ACAP2: variants seen among roughly 807,000 people sequenced by gnomAD.
ACAP2 encodes arf-GAP with coiled-coil, ANK repeat and PH domain-containing protein 2.
A neutral mutation model predicts 115.8 loss-of-function variants in ACAP2; 39 were observed. That is an observed-to-expected ratio of 0.34 (90% CI 0.26 to 0.44). The LOEUF (loss-of-function observed/expected upper bound fraction) is 0.44. Ranked by LOEUF, ACAP2 falls within the 20% of genes least tolerant of loss-of-function variation. The pLI is 1.00. For missense variants in ACAP2, 662 were observed against 927.6 expected, an observed-to-expected ratio of 0.71 and a Z score of 3.72; for synonymous variants, 289 against 315.8, an observed-to-expected ratio of 0.92 and a Z score of 0.90.
intron 1 of ACAP2, among the ~76,000 whole-genome samples, chr3:195,434,780 G>A (rs1715406764): frequency 6.6e-6 from 1 of 152,108 alleles, no homozygotes; most frequent in African/African-American, 2.4e-5. Flanking sequence ...TTTTTTATAG[G>A]TCTGTTCAGA....
intron 13 of ACAP2, 28 bp from the exon 14 acceptor site, chr3:195,302,202 T>TA (rs35471363): frequency 0.019 from 22,461 of 1,175,716 alleles, 3 homozygotes; most frequent in Non-Finnish European, 0.021. Flanking sequence ...TACTTGTTTT[T>TA]AAAAAAAAAA....
At chr3:195,402,649 G>T (rs1712407713) in intron 1 of ACAP2, among the ~76,000 whole-genome samples, 1 of 151,992 alleles carries the variant, frequency 6.6e-6, no homozygotes, top group African/African-American at 2.4e-5. Flanking sequence ...GGAGGTATTC[G>T]CTCTACCACG....
intron 22 of ACAP2, among the ~76,000 whole-genome samples, chr3:195,283,872 T>C (rs962937775): frequency 1.3e-5 from 2 of 152,186 alleles, no homozygotes; most frequent in Admixed American, 1.3e-4. Flanking sequence ...TAAGAGAGCT[T>C]GTTTTAAAAT....
intron 3 of ACAP2, among the ~76,000 whole-genome samples, chr3:195,381,407 C>T (rs987871717): frequency 6.6e-6 from 1 of 152,136 alleles, no homozygotes; most frequent in Non-Finnish European, 1.5e-5. Context: ...AAACTACACC[C>T]ATTTCTTCAC....
chr3:195,406,852 G>A (rs995555835), intron 1 of ACAP2, among the ~76,000 whole-genome samples: 5 of 152,118 alleles, frequency 3.3e-5, no homozygotes, highest in East Asian at 1.9e-4. Context: ...ACTAAGACAC[G>A]CTACAAATTC....
intron 8 of ACAP2, among the ~76,000 whole-genome samples, chr3:195,328,287 A>G (rs1189254171): frequency 6.6e-6 from 1 of 152,160 alleles, no homozygotes; most frequent in African/African-American, 2.4e-5. Flanking sequence ...TTTAAGTTAT[A>G]TTTTTTTAAA....
At chr3:195,291,901 G>T (rs79097081) in intron 19 of ACAP2, 86 bp from the exon 20 acceptor site, 1 of 1,152,568 alleles carries the variant, frequency 8.7e-7, no homozygotes, top group Non-Finnish European at 1.2e-6. Flanking sequence ...ATTGGTTTTC[G>T]TTACTCAAAT....
At chr3:195,414,748 G>A (rs1177119202) in intron 1 of ACAP2, among the ~76,000 whole-genome samples, 1 of 152,046 alleles carries the variant, frequency 6.6e-6, no homozygotes, top group Non-Finnish European at 1.5e-5. Context: ...TTGAATTCAT[G>A]GATTAGAGAT....
chr3:195,356,565 A>G lies in ACAP2; in HGVS notation c.286-11248T>C, dbSNP rs558490730. On this transcript the variant is annotated intron_variant, in intron 4 of 22. Transcript: ENST00000326793. Reference sequence around the variant, plus strand: ...AAAGGCAGGAAGGCTCCCAGCTCCAAAAGAGATTCCGTCCTTCTCCTTGAG... The same window carrying G: ...AAAGGCAGGAAGGCTCCCAGCTCCAGAAGAGATTCCGTCCTTCTCCTTGAG... Among the ~76,000 whole-genome samples the G allele has an allele frequency of 3.3e-5, 5 of 152,246 alleles. No individual in the cohort carries two copies. The East Asian group carries it at 9.7e-4, about 29-fold the overall frequency.
At chr3:195,326,740 C>A in intron 9 of ACAP2, 145 bp downstream of exon 9, 1 of 613,270 alleles carries the variant, frequency 1.6e-6, no homozygotes, top group East Asian at 2.9e-5. Context: ...GAACATTTTG[C>A]TCTTCAAAAA....
rs1727626909 is a variant in ACAP2 at position 195,295,840 on chromosome 3, C to T, written c.1540G>A (p.Asp514Asn). The change falls in exon 17 of 23, where the codon GAT becomes AAT. Residue 514 changes from aspartate to asparagine, a missense_variant. Around this residue, in one of 3 missense-constraint regions of ACAP2, gnomAD observed 133 missense variants for 123.1 expected, o/e 1.08. Transcript: ENST00000326793. ...GGTGATAATGATATAGAATATTTAT[C>T]CACAAATTTCCTCTCCACATATTTT... is the stretch of plus-strand genomic sequence containing the variant. ...RAKYVERKFV[D>N]KYSISLSPPE... 1 of 1,613,698 alleles carries T rather than the reference C, an allele frequency of 6.2e-7. No individual in the cohort carries two copies. The highest frequency in any genetic ancestry group is 1.3e-5 in the African/African-American group (1 of 74,866).
intron 1 of ACAP2, among the ~76,000 whole-genome samples, chr3:195,439,064 A>AT (rs1715805325): frequency 6.6e-6 from 1 of 152,046 alleles, no homozygotes; most frequent in Non-Finnish European, 1.5e-5. Flanking sequence ...TCTATCTCAA[A>AT]AAAAAAAAGA....
intron 4 of ACAP2, among the ~76,000 whole-genome samples, chr3:195,367,691 T>C (rs763732147): frequency 6.6e-6 from 1 of 152,194 alleles, no homozygotes; most frequent in African/African-American, 2.4e-5. Flanking sequence ...ACCCACTGAT[T>C]TCACATTCGT....
chr3:195,314,275 T>C (rs1214086290), intron 10 of ACAP2, among the ~76,000 whole-genome samples: 1 of 151,526 alleles, frequency 6.6e-6, no homozygotes, highest in Admixed American at 6.6e-5. Flanking sequence ...TTTTTTTTTT[T>C]CTTTTTTTGA....
At chr3:195,399,589 GA>G (rs929177024) in intron 1 of ACAP2, among the ~76,000 whole-genome samples, 4 of 144,006 alleles carry the variant, frequency 2.8e-5, no homozygotes, top group Non-Finnish European at 4.6e-5. Flanking sequence ...TCCCAGTGGG[GA>G]AAAAAAAAAC....
Position 195,277,293 on chromosome 3 carries a change from A to G in ACAP2, c.*2035T>C, listed in dbSNP as rs780342974. The G allele has an allele frequency of 1.3e-5, 2 of 152,260 alleles. No individual in the cohort carries two copies. The highest frequency in any genetic ancestry group is 1.9e-4 in the East Asian group (1 of 5,206). 9.4% of individuals were successfully genotyped at this position (152,260 alleles called of 1,614,324 possible). ...TCTTGGTCAAATAATTTCAAGGTACATGCTAATAAAAACTACAAATCAGAT... is the reference window on the plus strand; with the variant it reads ...TCTTGGTCAAATAATTTCAAGGTACGTGCTAATAAAAACTACAAATCAGAT... On this transcript the variant is annotated 3_prime_UTR_variant, in exon 23 of 23. Transcript: ENST00000326793.
At chr3:195,285,936 C>T in intron 21 of ACAP2, 79 bp from the exon 22 acceptor site, 1 of 1,032,810 alleles carries the variant, frequency 9.7e-7, no homozygotes, top group Non-Finnish European at 1.4e-6. Flanking sequence ...ACAGGTAATA[C>T]ATGTACTAAT....
intron 15 of ACAP2, among the ~76,000 whole-genome samples, chr3:195,299,565 G>A (rs538155433): frequency 0.01 from 1,550 of 149,414 alleles, 10 homozygotes; most frequent in Non-Finnish European, 0.017. Context: ...AAGGCCGGGC[G>A]CGGTGGCTCA....
intron 4 of ACAP2, among the ~76,000 whole-genome samples, chr3:195,360,414 T>A (rs1262879931): frequency 6.6e-6 from 1 of 152,068 alleles, no homozygotes; most frequent in East Asian, 1.9e-4. Context: ...CAGACCCCAA[T>A]ATAATAACAG....
Sources: gnomAD v4.1 joint callset for allele counts (sites outside exome capture counted in the v4.1 genomes callset) on GRCh38, gnomAD v4.1.1 for gene constraint, gnomAD v4.1.1 regional missense constraint, MANE v1.5 for transcripts, NCBI Gene and HGNC (gene_info 2026-07-23, HGNC 2026-07-21) for gene names.